Variants in ADGRV1 observed in about 807,000 individuals in gnomAD.
ADGRV1 encodes G-protein coupled receptor 98.
A neutral mutation model predicts 596.2 loss-of-function variants in ADGRV1; 359 were observed. The ratio of observed to expected loss-of-function variants is 0.60; its 90% CI spans 0.55 to 0.66. The LOEUF is 0.66. ADGRV1 is among the 30% of genes least tolerant of loss of function. The pLI is 0.00. For synonymous variants in ADGRV1, 2,681 were observed against 2,679.2 expected (o/e 1.00, Z -0.02); for missense variants, 7,274 against 7,575.6 (o/e 0.96, Z 1.48).
chr5:91,096,313 T>C (rs2126613739), intron 86 of ADGRV1, among the ~76,000 whole-genome samples: 1 of 152,316 alleles, frequency 6.6e-6, no homozygotes, highest in Non-Finnish European at 1.5e-5. Context: ...AGAAAACAGA[T>C]AATACAACAC....
chr5:90,641,938 G>A (rs1169092966), intron 11 of ADGRV1, among the ~76,000 whole-genome samples: 1 of 152,064 alleles, frequency 6.6e-6, no homozygotes, highest in Non-Finnish European at 1.5e-5. Context: ...TGTTCTTTTG[G>A]AGATACGTAG....
chr5:90,850,037 A>T (rs73179343), intron 79 of ADGRV1, among the ~76,000 whole-genome samples: 1,943 of 152,316 alleles, frequency 0.013, 44 homozygotes, highest in African/African-American at 0.045. Flanking sequence ...AATCTTACAC[A>T]GCTTGCCAAG....
chr5:90,721,561 TAAA>T (rs150716034), intron 45 of ADGRV1, among the ~76,000 whole-genome samples: 1 of 3,258 alleles, frequency 3.1e-4, no homozygotes, highest in Non-Finnish European at 6.5e-4. Context: ...TAAAATAAAA[TAAA>T]ATAAAATAAA....
In ADGRV1 at chr5:90,972,754, C is replaced by A. The variant is rs576574087; in HGVS notation, c.17973+7223C>A. Among the ~76,000 whole-genome samples, 129 of 151,878 alleles carry A rather than the reference C, an allele frequency of 8.5e-4. 1 individual carries two copies. The highest frequency in any genetic ancestry group is 7.3e-3 in the Admixed American group (111 of 15,234). ...AAATGCCCACAAGAGAAAGCAGGAA[C>A]GATCTAAAATTGACACGCTAACATC... On this transcript the variant is annotated intron_variant, in intron 84 of 89. Coordinates refer to ENST00000405460, the MANE Select transcript of ADGRV1 (RefSeq NM_032119.4).
chr5:90,772,270 T>G (rs1398923435), intron 59 of ADGRV1, among the ~76,000 whole-genome samples: 10 of 152,210 alleles, frequency 6.6e-5, no homozygotes, highest in Non-Finnish European at 7.4e-5. Context: ...ACAGAAAGTG[T>G]TGGAGAATTT....
chr5:90,748,081 A>G (rs2203822), intron 52 of ADGRV1, among the ~76,000 whole-genome samples: 5,050 of 152,330 alleles, frequency 0.033, 131 homozygotes, highest in South Asian at 0.13. Context: ...TGATGGAGCT[A>G]TGGGAAGCAT....
Position 90,694,262 on chromosome 5 carries a change from C to T in ADGRV1, c.7506C>T (p.Asp2502=), listed in dbSNP as rs756070601. Residue 2502 remains aspartate (D), a synonymous_variant, in exon 33 of 90, where the codon GAC becomes GAT. Transcript: ENST00000405460. ...GTGGTCAGGCTGTGGCTGGGAGTGA[C>T]TATGAGCCTGTGACAAGGCAATGGG... ...LFSGQAVAGS[D]YEPVTRQWAI... 9.3e-6 allele frequency: 15 copies of T among 1,613,818 alleles called. No homozygotes were observed. The highest frequency in any genetic ancestry group is 6.8e-6 in the Non-Finnish European group (8 of 1,179,860).
Position 90,959,005 on chromosome 5 carries a change from A to G in ADGRV1, c.17857-6410A>G, listed in dbSNP as rs1051097900. On this transcript the variant is annotated intron_variant, in intron 83 of 89. Transcript: ENST00000405460. ...TGTGCATATATTTTTCCCAGCAAGT[A>G]CAATAGGCAAGATAAGACAATTAGA... Among the ~76,000 whole-genome samples the G allele has an allele frequency of 3.3e-5, 5 of 152,326 alleles. No individual in the cohort carries two copies. The South Asian group carries it at 8.3e-4, about 25-fold the overall frequency.
chr5:90,753,521 C>A, intron 53 of ADGRV1, 53 bp from the exon 54 acceptor site: 1 of 1,316,948 alleles, frequency 7.6e-7, no homozygotes, highest in Non-Finnish European at 1.1e-6. Context: ...AATATTCTTA[C>A]TACATAGTGA....
intron 83 of ADGRV1, among the ~76,000 whole-genome samples, chr5:90,875,938 G>T (rs773097898): frequency 1.2e-4 from 18 of 152,096 alleles, no homozygotes; most frequent in Non-Finnish European, 1.5e-5. Flanking sequence ...ATTAAAATGG[G>T]CCATTAAAAT....
In ADGRV1 at chr5:91,039,977, A is replaced by G. The variant is rs142822881; in HGVS notation, c.18153-32470A>G. ...GCTAAAGAAAAATGAAAACAATTGG[A>G]AAGAGCCAGAAGAGACCTATGAAGA... On this transcript the variant is annotated intron_variant, in intron 85 of 89. Coordinates refer to ENST00000405460, the MANE Select transcript of ADGRV1 (RefSeq NM_032119.4). Among the ~76,000 whole-genome samples the G allele has an allele frequency of 7.1e-4, 108 of 152,294 alleles. No individual in the cohort carries two copies. In the East Asian group the frequency reaches 0.017, roughly 24 times the overall value.
intron 87 of ADGRV1, among the ~76,000 whole-genome samples, chr5:91,115,653 G>A (rs939559453): frequency 3.9e-5 from 6 of 152,044 alleles, no homozygotes; most frequent in African/African-American, 1.4e-4. Flanking sequence ...AAAACAATAG[G>A]GAAAACAGAC....
Position 90,635,220 on chromosome 5 carries a change from A to G in ADGRV1, c.1946A>G (p.Asn649Ser), listed in dbSNP as rs745618695. The change falls in exon 10 of 90, where the codon AAT becomes AGT. Residue 649 changes from asparagine (N) to serine (S), a missense_variant. Transcript: ENST00000405460. Reference sequence around the variant, plus strand: ...TTACTGGTTACTCCAGCCATTGCAAATGGAGAAATTGGCTTTCTCAGCAAT... The same window carrying G: ...TTACTGGTTACTCCAGCCATTGCAAGTGGAGAAATTGGCTTTCTCAGCAAT... ...ISLLVTPAIA[N>S]GEIGFLSNLP... 23 of 1,613,224 alleles carry G rather than the reference A, an allele frequency of 1.4e-5. No homozygotes were observed. The highest frequency in any genetic ancestry group is 1.0e-4 in the Admixed American group (6 of 59,912).
chr5:90,638,978 C>G (rs544450954), intron 11 of ADGRV1, among the ~76,000 whole-genome samples: 1 of 152,018 alleles, frequency 6.6e-6, no homozygotes, highest in South Asian at 2.1e-4. Flanking sequence ...TTCAAAACCA[C>G]GTTGTGTTTA....
chr5:90,899,196 C>T (rs963038868), intron 83 of ADGRV1: 1 of 152,146 alleles, frequency 6.6e-6, no homozygotes, highest in South Asian at 2.1e-4. Context: ...ACATTGTTTG[C>T]AAAGTAAATG....
chr5:91,112,703 T>C (rs931901724), intron 87 of ADGRV1, among the ~76,000 whole-genome samples: 1 of 152,192 alleles, frequency 6.6e-6, no homozygotes, highest in African/African-American at 2.4e-5. Flanking sequence ...AAAAAAACTT[T>C]ATATGAATAT....
intron 89 of ADGRV1, among the ~76,000 whole-genome samples, chr5:91,158,890 TGG>T (rs1291403911): frequency 6.6e-6 from 1 of 151,958 alleles, no homozygotes; most frequent in Non-Finnish European, 1.5e-5. Context: ...GATGGATGGA[TGG>T]ATGGATGGAT....
chr5:90,729,296 T>A (rs530309296), intron 49 of ADGRV1, among the ~76,000 whole-genome samples: 9 of 152,304 alleles, frequency 5.9e-5, no homozygotes, highest in African/African-American at 1.9e-4. Context: ...TGTTCAGAAC[T>A]TTTTATAAGA....
chr5:90,994,986 CA>C (rs1713199016), intron 85 of ADGRV1, among the ~76,000 whole-genome samples: 2 of 152,300 alleles, frequency 1.3e-5, no homozygotes, highest in South Asian at 4.1e-4. Flanking sequence ...CAAAGTCAAC[CA>C]GTGGTAAGAG....
Sources: allele counts gnomAD v4.1 joint callset (sites outside exome capture counted in the v4.1 genomes callset), GRCh38; gene constraint gnomAD v4.1.1; transcripts MANE v1.5; gene names NCBI Gene and HGNC (gene_info 2026-07-23, HGNC 2026-07-21).